WWOX: variants seen among roughly 807,000 people sequenced by gnomAD.
WWOX encodes WW domain containing oxidoreductase.
In WWOX, 69 loss-of-function variants were observed where a neutral mutation model predicts 46.2. That is an observed-to-expected ratio of 1.49 (90% CI 1.23 to 1.82). The LOEUF is 1.82. Ranked by LOEUF, WWOX falls within the 40% of genes most tolerant of loss-of-function variation. The pLI is 0.00. For missense variants in WWOX, 919 were observed against 542.6 expected (o/e 1.69, Z -6.89); for synonymous variants, 359 against 202.6 (o/e 1.77, Z -6.56).
intron 8 of WWOX, among the ~76,000 whole-genome samples, chr16:78,450,108 C>G (rs2083657775): frequency 1.3e-5 from 2 of 152,000 alleles, no homozygotes; most frequent in Admixed American, 1.3e-4. Context: ...GTATAGTTTT[C>G]ATGTTATAAA....
At chr16:78,454,391 A>G (rs545032297) in intron 8 of WWOX, among the ~76,000 whole-genome samples, 1 of 151,848 alleles carries the variant, frequency 6.6e-6, no homozygotes, top group East Asian at 1.9e-4. Flanking sequence ...TATTATATGC[A>G]TGTGTGTGTA....
At chr16:78,436,697 T>C (rs2083342523) in intron 8 of WWOX, among the ~76,000 whole-genome samples, 1 of 152,170 alleles carries the variant, frequency 6.6e-6, no homozygotes, top group South Asian at 2.1e-4. Context: ...CACTTTTCTT[T>C]CATAAACATT....
chr16:78,782,121 C>T (rs368698956), intron 8 of WWOX, among the ~76,000 whole-genome samples: 1 of 152,104 alleles, frequency 6.6e-6, no homozygotes, highest in East Asian at 1.9e-4. Flanking sequence ...ATGTAAATCA[C>T]CACCTTCACT....
intron 8 of WWOX, among the ~76,000 whole-genome samples, chr16:78,676,722 C>G (rs963771723): frequency 6.6e-6 from 1 of 152,170 alleles, no homozygotes; most frequent in African/African-American, 2.4e-5. Flanking sequence ...AAAGCAAGTT[C>G]TCATCATTTA....
intron 8 of WWOX, among the ~76,000 whole-genome samples, chr16:78,867,563 C>G (rs553532859): frequency 6.6e-6 from 1 of 150,478 alleles, no homozygotes; most frequent in African/African-American, 2.4e-5. Flanking sequence ...TTTTTTAAGA[C>G]GGAGCTTTGC....
chr16:78,510,587 C>T (rs144673888), intron 8 of WWOX, among the ~76,000 whole-genome samples: 2 of 152,178 alleles, frequency 1.3e-5, no homozygotes, highest in African/African-American at 4.8e-5. Flanking sequence ...CAACTGCAAC[C>T]ATAATTTAGC....
At chr16:78,824,614 G>A (rs981197074) in intron 8 of WWOX, among the ~76,000 whole-genome samples, 1 of 152,116 alleles carries the variant, frequency 6.6e-6, no homozygotes, top group Non-Finnish European at 1.5e-5. Flanking sequence ...GGCAGGAGGT[G>A]AAAGGCACTT....
At chr16:78,229,450 A>G (rs2037173762) in intron 5 of WWOX, among the ~76,000 whole-genome samples, 1 of 120,972 alleles carries the variant, frequency 8.3e-6, no homozygotes. Flanking sequence ...AGACATTTAG[A>G]TTTTTTCTGT....
chr16:78,883,298 G>C (rs1385423519), intron 8 of WWOX, among the ~76,000 whole-genome samples: 1 of 152,162 alleles, frequency 6.6e-6, no homozygotes, highest in Non-Finnish European at 1.5e-5. Flanking sequence ...CAGTAACGTA[G>C]AGATGAAACC....
chr16:78,909,747 C>G (rs1234662154), intron 8 of WWOX, among the ~76,000 whole-genome samples: 2 of 152,148 alleles, frequency 1.3e-5, no homozygotes, highest in Non-Finnish European at 2.9e-5. Context: ...TTAAATGGAA[C>G]AGGGAGGTTG....
At position 78,698,463 on chromosome 16, in the gene WWOX, C is replaced by T. The variant is rs115943260; in HGVS notation, c.1056+265711C>T. Among the ~76,000 whole-genome samples, 630 of 152,230 alleles carry T rather than the reference C, an allele frequency of 4.1e-3. 2 individuals carry two copies. Among genetic ancestry groups the T allele is most frequent in the African/African-American group, 0.015 (603 of 41,532 alleles). On this transcript the variant is annotated intron_variant, in intron 8 of 8. Transcript: ENST00000566780. ...TAGCTCCTTTTTAAGCTTTTAATTCCAACTTGCATTTCTTATTATTCTGTT... is the reference window on the plus strand; with the variant it reads ...TAGCTCCTTTTTAAGCTTTTAATTCTAACTTGCATTTCTTATTATTCTGTT...
At chr16:78,647,158 TC>T (rs1318814530) in intron 8 of WWOX, among the ~76,000 whole-genome samples, 1 of 152,154 alleles carries the variant, frequency 6.6e-6, no homozygotes, top group African/African-American at 2.4e-5. Context: ...GCTGGGGACA[TC>T]CTTGAATCAG....
At chr16:78,314,714 T>TTTG (rs1567494605) in intron 5 of WWOX, among the ~76,000 whole-genome samples, 1 of 142,130 alleles carries the variant, frequency 7.0e-6, no homozygotes, top group Admixed American at 7.1e-5. Flanking sequence ...TTTTTTTTTT[T>TTTG]TTTTTTTCTG....
intron 8 of WWOX, among the ~76,000 whole-genome samples, chr16:78,449,479 G>A (rs1200097149): frequency 1.3e-5 from 2 of 152,120 alleles, no homozygotes; most frequent in African/African-American, 4.8e-5. Context: ...GTGCCTTTTG[G>A]GGACCCTGCT....
Position 78,631,088 on chromosome 16 carries a change from A to C in WWOX, c.1056+198336A>C, listed in dbSNP as rs572615413. 2.6e-5 allele frequency among the ~76,000 whole-genome samples: 4 copies of C among 152,152 alleles called. No individual in the cohort carries two copies. In the South Asian group the frequency reaches 8.3e-4, roughly 32 times the overall value. On this transcript the variant is annotated intron_variant, in intron 8 of 8. Coordinates refer to ENST00000566780, the MANE Select transcript of WWOX (RefSeq NM_016373.4). Reference sequence around the variant, plus strand: ...CTAGAGATGATTTAAAGTGTACAGGAGCATCACATACATTATATGCAAATA... The same window carrying C: ...CTAGAGATGATTTAAAGTGTACAGGCGCATCACATACATTATATGCAAATA...
intron 8 of WWOX, among the ~76,000 whole-genome samples, chr16:78,569,422 CATTTA>C (rs1567651146): frequency 6.6e-6 from 1 of 152,152 alleles, no homozygotes; most frequent in South Asian, 2.1e-4. Flanking sequence ...TTGGTCAAGT[CATTTA>C]ATTTATCATA....
intron 8 of WWOX, among the ~76,000 whole-genome samples, chr16:78,861,665 T>C (rs1343153888): frequency 2.0e-5 from 3 of 152,236 alleles, no homozygotes; most frequent in Admixed American, 6.5e-5. Flanking sequence ...AGGCCCATTT[T>C]TCCAATCATT....
intron 5 of WWOX, among the ~76,000 whole-genome samples, chr16:78,302,378 C>T (rs1271570625): frequency 6.6e-6 from 1 of 152,166 alleles, no homozygotes; most frequent in East Asian, 1.9e-4. Context: ...GAAGTTGCCT[C>T]AGCCTCTCTT....
intron 8 of WWOX, among the ~76,000 whole-genome samples, chr16:78,875,316 T>G (rs1299199217): frequency 3.3e-5 from 5 of 152,204 alleles, no homozygotes; most frequent in Non-Finnish European, 7.3e-5. Flanking sequence ...CTGATCTCAG[T>G]GGCAGCCATC....
Sources: gnomAD v4.1 joint callset for allele counts (sites outside exome capture counted in the v4.1 genomes callset) on GRCh38, gnomAD v4.1.1 for gene constraint, MANE v1.5 for transcripts, NCBI Gene and HGNC (gene_info 2026-07-23, HGNC 2026-07-21) for gene names.